RC3H2: variants seen among roughly 807,000 people sequenced by gnomAD.
RC3H2 encodes the protein ring finger and CCCH-type domains 2, also known as roquin-2.
Under a neutral mutation model 133.3 loss-of-function variants are expected in RC3H2, and 31 were observed. The ratio of observed to expected loss-of-function variants is 0.23; its 90% CI spans 0.17 to 0.31. The LOEUF (loss-of-function observed/expected upper bound fraction) is 0.31. Among genes scored for constraint, RC3H2 ranks in the 10% least tolerant of loss-of-function variants. The pLI is 1.00. For synonymous variants in RC3H2, 517 were observed against 502.2 expected (o/e 1.03, Z -0.40); for missense variants, 1,175 against 1,437.2 (o/e 0.82, Z 2.95).
At chr9:122,899,734 T>C (rs1017808225) in intron 1 of RC3H2, among the ~76,000 whole-genome samples, 2 of 152,188 alleles carry the variant, frequency 1.3e-5, no homozygotes, top group African/African-American at 4.8e-5. Flanking sequence ...GAAAAGGCCT[T>C]TGAGGAAGAA....
chr9:122,894,585 A>C (rs574092024), intron 2 of RC3H2, among the ~76,000 whole-genome samples: 46 of 152,202 alleles, frequency 3.0e-4, no homozygotes, highest in Middle Eastern at 3.4e-3. Context: ...TGAATAAAGA[A>C]CATGAAGAGA....
chr9:122,852,390 C>T (rs1187787054), intron 18 of RC3H2, among the ~76,000 whole-genome samples: 17 of 150,662 alleles, frequency 1.1e-4, no homozygotes, highest in African/African-American at 3.4e-4. Context: ...GCAGCCGCCC[C>T]GTCCGGGAGG....
chr9:122,859,080 C>T lies in RC3H2; in HGVS notation c.1872G>A (p.Thr624=), dbSNP rs769167647. 16 of 1,583,026 alleles carry T rather than the reference C, an allele frequency of 1.0e-5. No homozygotes were observed. The highest frequency in any genetic ancestry group is 2.3e-5 in the South Asian group (2 of 87,422). ...PQTGYYPPPP[T]VPAGVAPCVP... ...CACAGGGAGCCACACCAGCTGGTAC[C>T]GTTGGAGGTGGTGGATAGTATCCTT... Residue 624 remains threonine, a synonymous_variant, in exon 12 of 21, where the codon ACG becomes ACA. Transcript: ENST00000357244.
chr9:122,850,088 T>A (rs963628004), intron 20 of RC3H2, among the ~76,000 whole-genome samples: 3 of 152,078 alleles, frequency 2.0e-5, no homozygotes, highest in Admixed American at 6.5e-5. Context: ...GCAATTCTCC[T>A]GCCTCAGCCT....
intron 9 of RC3H2, chr9:122,874,946 C>T (rs1831267239): frequency 2.3e-6 from 1 of 443,344 alleles, no homozygotes. Context: ...AATGGATTTT[C>T]AGCCTGGGCA....
At chr9:122,857,390 T>G (rs1296120803) in intron 13 of RC3H2, among the ~76,000 whole-genome samples, 1 of 152,198 alleles carries the variant, frequency 6.6e-6, no homozygotes, top group Non-Finnish European at 1.5e-5. Context: ...TTAGCAGTGA[T>G]GTAAAGAGCA....
chr9:122,851,344 A>G lies in RC3H2; in HGVS notation c.3210T>C (p.Asp1070=). 2 of 1,614,174 alleles carry G rather than the reference A, an allele frequency of 1.2e-6. No homozygotes were observed. Among genetic ancestry groups the G allele is most frequent in the Non-Finnish European group, 1.7e-6 (2 of 1,179,998 alleles). ...TTACTTCAATTGGTTCACTTTGTCCATCAGGTTCATCAGTATCAAGTGCTG... is the reference window on the plus strand; with the variant it reads ...TTACTTCAATTGGTTCACTTTGTCCGTCAGGTTCATCAGTATCAAGTGCTG... The part of the protein sequence containing the change: ...ELSALDTDEP[D]GQSEPIEEIL... Residue 1070 remains aspartate (D), a synonymous_variant, in exon 19 of 21, where the codon GAT becomes GAC. Coordinates refer to ENST00000357244, the MANE Select transcript of RC3H2 (RefSeq NM_001100588.3).
intron 9 of RC3H2, chr9:122,875,154 C>CT: frequency 6.5e-7 from 1 of 1,538,110 alleles, no homozygotes; most frequent in Non-Finnish European, 8.8e-7. Context: ...CAAACAGCAT[C>CT]TTTTTTCCTT....
chr9:122,858,598 T>C (rs1588057897), intron 12 of RC3H2, 71 bp downstream of exon 12: 1 of 1,270,140 alleles, frequency 7.9e-7, no homozygotes, highest in East Asian at 2.3e-5. Flanking sequence ...GGAGCCAGGA[T>C]ATATACCTGG....
rs1366974993 is a variant in RC3H2, at chr9:122,845,599, A to C, written c.*4028T>G. 6.6e-6 allele frequency: 1 copy of C among 152,200 alleles called. No homozygotes were observed. The highest frequency in any genetic ancestry group is 6.5e-5 in the Admixed American group (1 of 15,286). 9.4% of individuals were successfully genotyped at this position (152,200 alleles called of 1,614,324 possible). On this transcript the variant is annotated 3_prime_UTR_variant, in exon 21 of 21. Transcript: ENST00000357244. ...GAAGGGAATAACTGCTCTTGGAGTA[A>C]AAATAAGACTCCACTCAAATGTGGG... is the stretch of plus-strand genomic sequence containing the variant.
At chr9:122,889,447 A>G (rs1832069539) in intron 4 of RC3H2, among the ~76,000 whole-genome samples, 1 of 152,186 alleles carries the variant, frequency 6.6e-6, no homozygotes, top group Admixed American at 6.5e-5. Context: ...AGTTGTCCCA[A>G]CATCACTTAT....
At chr9:122,863,925 C>T (rs748488787) in intron 10 of RC3H2, among the ~76,000 whole-genome samples, 4 of 152,088 alleles carry the variant, frequency 2.6e-5, no homozygotes, top group Non-Finnish European at 4.4e-5. Flanking sequence ...TTAGTAGAGA[C>T]GGGGTTTCTC....
rs1272083386 is a variant in RC3H2 at position 122,887,026 on chromosome 9, CCTCA to C, written c.583+3282_583+3285del. On this transcript the variant is annotated intron_variant, in intron 4 of 20. Coordinates refer to ENST00000357244, the MANE Select transcript of RC3H2 (RefSeq NM_001100588.3). The stretch of plus-strand genomic sequence containing the variant: ...AAAACTTTGTATAATGGAAAATTTG[CCTCA>C]CTTTTAGTAATGCTAAGATTTATCA... Among the ~76,000 whole-genome samples, 4 of 152,180 alleles carry C rather than the reference CCTCA, an allele frequency of 2.6e-5. No individual in the cohort carries two copies. In the East Asian group the frequency reaches 5.8e-4, roughly 22 times the overall value.
At chr9:122,890,073 C>T (rs1034765567) in intron 4 of RC3H2, 7 of 594,552 alleles carry the variant, frequency 1.2e-5, no homozygotes, top group Middle Eastern at 4.4e-4. Context: ...GCATGGATGT[C>T]GAGGCTGCAG....
intron 4 of RC3H2, among the ~76,000 whole-genome samples, chr9:122,886,401 A>G (rs1224524760): frequency 2.0e-5 from 3 of 152,142 alleles, no homozygotes; most frequent in Non-Finnish European, 2.9e-5. Flanking sequence ...CCTGTTTTCT[A>G]TTCTTTTGGG....
chr9:122,901,741 A>G (rs1832658456), intron 1 of RC3H2, among the ~76,000 whole-genome samples: 1 of 143,720 alleles, frequency 7.0e-6, no homozygotes, highest in South Asian at 2.2e-4. Context: ...ACAAGTGCGC[A>G]CCACCATGCC....
chr9:122,872,339 C>T (rs959159639), intron 9 of RC3H2, among the ~76,000 whole-genome samples: 4 of 152,176 alleles, frequency 2.6e-5, no homozygotes, highest in Non-Finnish European at 4.4e-5. Flanking sequence ...TAGTCCTACC[C>T]GAGCTACCAA....
chr9:122,898,775 G>C (rs2793006), intron 1 of RC3H2, among the ~76,000 whole-genome samples: 4 of 149,072 alleles, frequency 2.7e-5, no homozygotes, highest in Non-Finnish European at 4.4e-5. Context: ...AGTTCCATAA[G>C]TTTAGTAAAG....
At chr9:122,901,825 G>A (rs1205670885) in intron 1 of RC3H2, among the ~76,000 whole-genome samples, 9 of 151,592 alleles carry the variant, frequency 5.9e-5, no homozygotes, top group Admixed American at 5.3e-4. Flanking sequence ...TCCTGACCTC[G>A]TGATCTGCCC....
Sources: gnomAD v4.1 joint callset for allele counts (sites outside exome capture counted in the v4.1 genomes callset) on GRCh38, gnomAD v4.1.1 for gene constraint, MANE v1.5 for transcripts, NCBI Gene and HGNC (gene_info 2026-07-23, HGNC 2026-07-21) for gene names.